DCHS2: variants seen among roughly 807,000 people sequenced by gnomAD.
DCHS2 encodes protocadherin-23.
Under a neutral mutation model 182.4 loss-of-function variants are expected in DCHS2, and 142 were observed. The ratio of observed to expected loss-of-function variants is 0.78; its 90% confidence interval spans 0.68 to 0.89. DCHS2 has a LOEUF of 0.89. Ranked by LOEUF, DCHS2 falls within the 40% of genes least tolerant of loss-of-function variation. The pLI is 0.00. For synonymous variants in DCHS2, 1,740 were observed against 1,663.3 expected (o/e 1.05, Z -1.12); for missense variants, 4,319 against 4,198.6 (o/e 1.03, Z -0.79).
intron 12 of DCHS2, among the ~76,000 whole-genome samples, chr4:154,300,124 G>T (rs1735139334): frequency 6.6e-6 from 1 of 152,170 alleles, no homozygotes; most frequent in African/African-American, 2.4e-5. Context: ...TTAACAGGCT[G>T]CAAATGTTTG....
At chr4:154,430,485 A>G (rs924801087) in intron 1 of DCHS2, among the ~76,000 whole-genome samples, 1 of 152,202 alleles carries the variant, frequency 6.6e-6, no homozygotes, top group African/African-American at 2.4e-5. Flanking sequence ...TAAAATTAAA[A>G]TATGACCCCA....
chr4:154,247,635 C>CAAAAAAAAAAAAAAAAAA (rs67157369), intron 16 of DCHS2, among the ~76,000 whole-genome samples: 5 of 100,140 alleles, frequency 5.0e-5, no homozygotes, highest in African/African-American at 2.0e-4. Context: ...GACTCCGTCT[C>CAAAAAAAAAAAAAAAAAA]AAAAAAAAAA....
chr4:154,455,382 T>A (rs145998941), intron 1 of DCHS2, among the ~76,000 whole-genome samples: 1 of 152,346 alleles, frequency 6.6e-6, no homozygotes, highest in East Asian at 1.9e-4. Context: ...GAGATGGGAA[T>A]GGAAAAATTA....
chr4:154,489,406 G>A lies in DCHS2; in HGVS notation c.1950C>T (p.Ser650=). ...TGTCATTCACATCATCTACGGTGAT[G>A]CTCACCAGGCAGGTGGCAGAGAGTG... is the stretch of plus-strand genomic sequence containing the variant. The part of the protein sequence containing the change: ...EPPLSATCLV[S]ITVDDVNDNE... Residue 650 remains serine, a synonymous_variant, in exon 1 of 20, where the codon AGC becomes AGT. Coordinates refer to ENST00000357232, the MANE Select transcript of DCHS2 (RefSeq NM_001358235.2). 1.3e-6 allele frequency: 2 copies of A among 1,551,732 alleles called. No individual in the cohort carries two copies. The highest frequency in any genetic ancestry group is 1.7e-6 in the Non-Finnish European group (2 of 1,146,998).
At chr4:154,481,035 G>C (rs1354331964) in intron 1 of DCHS2, among the ~76,000 whole-genome samples, 1 of 152,158 alleles carries the variant, frequency 6.6e-6, no homozygotes, top group African/African-American at 2.4e-5. Flanking sequence ...CTTAAAAGTG[G>C]TATACAAATA....
intron 7 of DCHS2, chr4:154,323,190 C>G: frequency 6.5e-7 from 1 of 1,549,806 alleles, no homozygotes; most frequent in Non-Finnish European, 8.7e-7. Flanking sequence ...TTCCTCTATT[C>G]TTATGTTTTC....
At chr4:154,319,322 T>C (rs1242321040) in intron 9 of DCHS2, among the ~76,000 whole-genome samples, 3 of 151,764 alleles carry the variant, frequency 2.0e-5, no homozygotes, top group East Asian at 1.9e-4. Context: ...AAAACACAGA[T>C]TACAAATCAA....
intron 1 of DCHS2, among the ~76,000 whole-genome samples, chr4:154,419,689 C>A (rs535902931): frequency 2.9e-5 from 4 of 139,498 alleles, no homozygotes; most frequent in East Asian, 2.2e-4. Context: ...GATGCCATTA[C>A]GAAGGATGTG....
intron 13 of DCHS2, among the ~76,000 whole-genome samples, chr4:154,276,816 CA>C (rs1733873091): frequency 6.6e-6 from 1 of 152,180 alleles, no homozygotes; most frequent in Admixed American, 6.5e-5. Flanking sequence ...GGACACCAGG[CA>C]AGCTCAAAAC....
chr4:154,358,935 C>A (rs1024309109), intron 3 of DCHS2, among the ~76,000 whole-genome samples: 7 of 151,070 alleles, frequency 4.6e-5, no homozygotes, highest in Non-Finnish European at 1.0e-4. Flanking sequence ...ATGTGTGTAT[C>A]ATAATTCATG....
At chr4:154,447,631 A>C (rs887407457) in intron 1 of DCHS2, among the ~76,000 whole-genome samples, 5 of 152,162 alleles carry the variant, frequency 3.3e-5, no homozygotes, top group African/African-American at 1.2e-4. Context: ...CTTGAGGAAA[A>C]ATCACCTGGA....
chr4:154,436,102 T>C (rs1733767643), intron 1 of DCHS2, among the ~76,000 whole-genome samples: 1 of 152,222 alleles, frequency 6.6e-6, no homozygotes, highest in African/African-American at 2.4e-5. Flanking sequence ...GGAAATCCTG[T>C]CAGGGGGTTC....
intron 7 of DCHS2, among the ~76,000 whole-genome samples, chr4:154,327,792 TA>T (rs1292622920): frequency 1.3e-5 from 2 of 152,182 alleles, no homozygotes; most frequent in African/African-American, 4.8e-5. Context: ...AACACTTTCC[TA>T]TCAATAAAAG....
intron 3 of DCHS2, among the ~76,000 whole-genome samples, chr4:154,351,830 C>T (rs1402653611): frequency 6.6e-6 from 1 of 152,134 alleles, no homozygotes; most frequent in South Asian, 2.1e-4. Flanking sequence ...CGGTAATGCT[C>T]ACTCACCTCC....
rs1380752807 is a variant in DCHS2 at position 154,320,826 on chromosome 4, T to C, written c.4573A>G (p.Ile1525Val). The change falls in exon 9 of 20, where the codon ATA becomes GTA. Residue 1525 changes from isoleucine to valine, a missense_variant. Transcript: ENST00000357232. ...TTGAAGACATACACCAGGGTTCCTA[T>C]GGGAACATTCTCCTCTACACTGATC... ...IVISVEENVPIGTLVYVFNAK... is the reference protein window; with the variant it reads ...IVISVEENVPVGTLVYVFNAK... The C allele has an allele frequency of 6.2e-7, 1 of 1,614,060 alleles. No individual in the cohort carries two copies. The highest frequency in any genetic ancestry group is 1.7e-5 in the Admixed American group (1 of 59,982).
intron 1 of DCHS2, among the ~76,000 whole-genome samples, chr4:154,418,693 G>A (rs1732972669): frequency 2.0e-5 from 3 of 152,044 alleles, no homozygotes; most frequent in Admixed American, 2.0e-4. Context: ...TTATGACATC[G>A]ATATAATGTC....
In DCHS2 at chr4:154,315,834, T is replaced by A. The variant is rs1453751169; in HGVS notation, c.5174A>T (p.Lys1725Met). The A allele has an allele frequency of 6.2e-7, 1 of 1,614,046 alleles. No homozygotes were observed. Among genetic ancestry groups the A allele is most frequent in the Admixed American group, 1.7e-5 (1 of 59,998 alleles). The change falls in exon 10 of 20, where the codon AAG (lysine) becomes ATG (methionine). Residue 1725 changes from lysine (K) to methionine (M), a missense_variant. Physicochemically the swap from Lys to Met is moderately conservative, Grantham distance 95. Transcript: ENST00000357232. ...CACTGAGGCTTCATACAGGTGCTGC[T>A]TAAATACTGGAGCTTCATCATTTAC... ...LDVNDEAPVF[K>M]QHLYEASVKE...
At chr4:154,463,931 C>G (rs1735128986) in intron 1 of DCHS2, among the ~76,000 whole-genome samples, 1 of 152,134 alleles carries the variant, frequency 6.6e-6, no homozygotes, top group African/African-American at 2.4e-5. Context: ...TCAATAGTGA[C>G]TTTGCAGAGA....
intron 10 of DCHS2, among the ~76,000 whole-genome samples, chr4:154,310,204 G>T (rs1735618920): frequency 6.6e-6 from 1 of 152,180 alleles, no homozygotes; most frequent in South Asian, 2.1e-4. Context: ...AGTTATATTG[G>T]CATAAACCTG....
Sources: gnomAD v4.1 joint callset for allele counts (sites outside exome capture counted in the v4.1 genomes callset) on GRCh38, gnomAD v4.1.1 for gene constraint, MANE v1.5 for transcripts, NCBI Gene and HGNC (gene_info 2026-07-23, HGNC 2026-07-21) for gene names.